Variants in NUBPL observed in about 807,000 individuals in gnomAD.
NUBPL encodes NUBP iron-sulfur cluster assembly factor, mitochondrial.
A neutral mutation model predicts 45.7 loss-of-function variants in NUBPL; 31 were observed. That is an observed-to-expected ratio of 0.68 (90% CI 0.51 to 0.92). The LOEUF (loss-of-function observed/expected upper bound fraction) is 0.92, where lower values mean the gene tolerates loss of function less well. NUBPL is among the 40% of genes least tolerant of loss of function. The probability of loss-of-function intolerance (pLI) is 0.00; values close to 1 mark genes in which losing one functional copy is unlikely to be tolerated. For synonymous variants in NUBPL, 144 were observed against 140.9 expected, an observed-to-expected ratio of 1.02 and a Z score of -0.15; for missense variants, 401 against 398.7, an observed-to-expected ratio of 1.01 and a Z score of -0.05.
intron 3 of NUBPL, among the ~76,000 whole-genome samples, chr14:31,591,823 A>G (rs78650527): frequency 0.063 from 9,622 of 152,274 alleles, 416 homozygotes; most frequent in Non-Finnish European, 0.091. Context: ...CTGAAATTCT[A>G]CAGAATAACA....
intron 4 of NUBPL, among the ~76,000 whole-genome samples, chr14:31,650,451 G>A (rs868641398): frequency 9.2e-5 from 14 of 152,032 alleles, no homozygotes; most frequent in Middle Eastern, 3.4e-3. Context: ...CACCACACCC[G>A]GCTAATTTTT....
intron 6 of NUBPL, among the ~76,000 whole-genome samples, chr14:31,736,445 G>T (rs1749993809): frequency 6.6e-6 from 1 of 151,938 alleles, no homozygotes; most frequent in Non-Finnish European, 1.5e-5. Context: ...TATTAGTTTT[G>T]CCTGCCCTTG....
At chr14:31,587,324 A>G (rs2034020486) in intron 3 of NUBPL, among the ~76,000 whole-genome samples, 2 of 152,208 alleles carry the variant, frequency 1.3e-5, no homozygotes, top group Non-Finnish European at 2.9e-5. Flanking sequence ...TTGATCTGTC[A>G]GAGCTCAGGT....
chr14:31,688,945 T>G (rs980512343), intron 6 of NUBPL, among the ~76,000 whole-genome samples: 2 of 152,134 alleles, frequency 1.3e-5, no homozygotes, highest in African/African-American at 4.8e-5. Context: ...ATTAGGTTGC[T>G]AAGGATAGTG....
chr14:31,834,273 T>C (rs563090149), intron 8 of NUBPL, among the ~76,000 whole-genome samples: 24 of 147,596 alleles, frequency 1.6e-4, no homozygotes, highest in Admixed American at 3.5e-4. Context: ...CTCCGCCTCC[T>C]GGGTTCAAGC....
At chr14:31,724,410 T>C (rs4981890) in intron 6 of NUBPL, among the ~76,000 whole-genome samples, 137,111 of 152,182 alleles carry the variant, frequency 0.9, 62,010 homozygotes, top group East Asian at 0.99. Flanking sequence ...TTATTGATTA[T>C]AATTATAATC....
chr14:31,607,002 A>G (rs1445014699), intron 4 of NUBPL, among the ~76,000 whole-genome samples: 1 of 152,186 alleles, frequency 6.6e-6, no homozygotes, highest in African/African-American at 2.4e-5. Flanking sequence ...TAAAGGGGCA[A>G]TCATTACAGA....
intron 6 of NUBPL, among the ~76,000 whole-genome samples, chr14:31,697,498 A>T (rs971480150): frequency 2.6e-5 from 4 of 152,210 alleles, no homozygotes; most frequent in Non-Finnish European, 5.9e-5. Context: ...TTTTTACTCT[A>T]TCTGTTGTTC....
chr14:31,675,721 G>GTTTAGTTT (rs2036678250), intron 6 of NUBPL, among the ~76,000 whole-genome samples: 1 of 152,164 alleles, frequency 6.6e-6, no homozygotes, highest in African/African-American at 2.4e-5. Context: ...TCCTGAACTA[G>GTTTAGTTT]AAGTCTGGTT....
Position 31,621,280 on chromosome 14 carries a change from G to A in NUBPL, c.382+21901G>A, listed in dbSNP as rs191228777. Among the ~76,000 whole-genome samples the A allele has an allele frequency of 6.5e-3, 985 of 152,242 alleles. 11 individuals carry two copies. Among genetic ancestry groups the A allele is most frequent in the African/African-American group, 0.022 (922 of 41,524 alleles). On this transcript the variant is annotated intron_variant, in intron 4 of 10. Coordinates refer to ENST00000281081, the MANE Select transcript of NUBPL (RefSeq NM_025152.3). ...TTCCTGGCTTCAGCCCCCTTTCCAG[G>A]GGAGTGAACGGTTTTTTTTCTCACT...
chr14:31,763,017 A>G (rs1429148718), intron 6 of NUBPL, among the ~76,000 whole-genome samples: 2 of 152,152 alleles, frequency 1.3e-5, no homozygotes, highest in Non-Finnish European at 2.9e-5. Context: ...TCTTCATAAA[A>G]CCATGAAAAT....
At position 31,850,075 on chromosome 14, in the gene NUBPL, A is replaced by G. The variant is rs1461784457; in HGVS notation, c.815-44A>G. On this transcript the variant is annotated intron_variant, in intron 9 of 10. Coordinates refer to ENST00000281081, the MANE Select transcript of NUBPL (RefSeq NM_025152.3). ...AAATAGTGAGATTCAAAATGCCTAT[A>G]TGAACTTTTCTGGTTCTAATGGATG... The G allele has an allele frequency of 2.8e-6, 4 of 1,448,640 alleles. No individual in the cohort carries two copies. The African/African-American group carries it at 4.2e-5, about 15-fold the overall frequency. The allele number at this position is 1,448,640 out of a possible 1,614,324, so 89.7% of individuals were successfully genotyped here.
At chr14:31,677,664 C>A (rs2036732194) in intron 6 of NUBPL, among the ~76,000 whole-genome samples, 1 of 152,200 alleles carries the variant, frequency 6.6e-6, no homozygotes, top group Admixed American at 6.5e-5. Context: ...CAAACAGAAT[C>A]TCTCTCTGTC....
chr14:31,685,526 G>A (rs1008507029), intron 6 of NUBPL, among the ~76,000 whole-genome samples: 1 of 151,854 alleles, frequency 6.6e-6, no homozygotes, highest in African/African-American at 2.4e-5. Flanking sequence ...TTCTTAAAGA[G>A]GACAGCCATA....
At chr14:31,746,707 T>A (rs762401747) in intron 6 of NUBPL, among the ~76,000 whole-genome samples, 6 of 152,070 alleles carry the variant, frequency 3.9e-5, no homozygotes, top group Non-Finnish European at 8.8e-5. Context: ...ACTCATAGAA[T>A]GAGTTTGGAA....
intron 4 of NUBPL, among the ~76,000 whole-genome samples, chr14:31,639,258 G>A (rs1330993886): frequency 2.0e-5 from 3 of 152,128 alleles, no homozygotes; most frequent in African/African-American, 7.2e-5. Context: ...GTACAGATGG[G>A]TTTTTGGTGC....
chr14:31,652,495 A>G (rs531667968), intron 4 of NUBPL, among the ~76,000 whole-genome samples: 1 of 152,310 alleles, frequency 6.6e-6, no homozygotes, highest in South Asian at 2.1e-4. Flanking sequence ...GCTTGATTGA[A>G]TCACTCCATA....
chr14:31,830,904 C>A (rs765996776), intron 8 of NUBPL, among the ~76,000 whole-genome samples: 1 of 152,134 alleles, frequency 6.6e-6, no homozygotes, highest in Non-Finnish European at 1.5e-5. Context: ...CATTTTTCTC[C>A]TCAGGACCCT....
intron 6 of NUBPL, among the ~76,000 whole-genome samples, chr14:31,725,180 TAGG>T (rs1420442551): frequency 6.6e-6 from 1 of 151,968 alleles, no homozygotes; most frequent in Admixed American, 6.6e-5. Flanking sequence ...AGGTAGAGGT[TAGG>T]AGAAGAATGA....
Sources: gnomAD v4.1 joint callset for allele counts (sites outside exome capture counted in the v4.1 genomes callset) on GRCh38, gnomAD v4.1.1 for gene constraint, MANE v1.5 for transcripts, NCBI Gene and HGNC (gene_info 2026-07-23, HGNC 2026-07-21) for gene names.